Variants in CNNM4 observed in about 807,000 individuals in gnomAD.
CNNM4 encodes metal transporter CNNM4.
CNNM4 carries 32 observed loss-of-function variants against 53.7 expected under a neutral mutation model. The ratio of observed to expected loss-of-function variants is 0.60; its 90% CI spans 0.45 to 0.80. The LOEUF is 0.80. CNNM4 is among the 30% of genes least tolerant of loss of function. The pLI is 0.00. For missense variants in CNNM4, 784 were observed against 1,022.0 expected, an observed-to-expected ratio of 0.77 and a Z score of 3.17; for synonymous variants, 410 against 440.0, an observed-to-expected ratio of 0.93 and a Z score of 0.85.
intron 6 of CNNM4, 177 bp from the exon 7 acceptor site, chr2:96,809,143 T>G: frequency 4.7e-4 from 644 of 1,379,382 alleles, no homozygotes; most frequent in Non-Finnish European, 5.8e-4. Context: ...TGCCCAGCCC[T>G]GAGATGCTTT....
chr2:96,775,754 GTCTC>G (rs1271523663), intron 1 of CNNM4, among the ~76,000 whole-genome samples: 1 of 152,006 alleles, frequency 6.6e-6, no homozygotes, highest in African/African-American at 2.4e-5. Flanking sequence ...TTTTTGTTTT[GTCTC>G]TCTGTCATCC....
rs1436124748 is a variant in CNNM4, at chr2:96,805,989, G to A, written c.1949-2572G>A. ...ACACCTCCCAGACGGGGTGGTGGCCGGGCAGAGGGGCTCCTCACTTCCCAG... is the reference window on the plus strand; with the variant it reads ...ACACCTCCCAGACGGGGTGGTGGCCAGGCAGAGGGGCTCCTCACTTCCCAG... On this transcript the variant is annotated intron_variant, in intron 5 of 6. Transcript: ENST00000377075. Among the ~76,000 whole-genome samples, 6 of 151,100 alleles carry A rather than the reference G, an allele frequency of 4.0e-5. No individual in the cohort carries two copies. In the East Asian group the frequency reaches 9.9e-4, roughly 25 times the overall value.
chr2:96,809,114 T>A, intron 6 of CNNM4: 2 of 1,128,392 alleles, frequency 1.8e-6, no homozygotes, highest in Non-Finnish European at 2.5e-6. Flanking sequence ...AGTGCTGGGA[T>A]TACAGGTGTG....
chr2:96,798,957 A>G (rs2079131962), intron 3 of CNNM4, 100 bp from the exon 4 acceptor site: 1 of 1,225,380 alleles, frequency 8.2e-7, no homozygotes, highest in Admixed American at 1.7e-5. Context: ...TCGTCTGAGC[A>G]CAGCGTGGCT....
In CNNM4 at chr2:96,797,374, G is replaced by T; in HGVS notation, c.1547-139G>T. 1 of 1,429,252 alleles carries T rather than the reference G, an allele frequency of 7.0e-7. No individual in the cohort carries two copies. Among genetic ancestry groups the T allele is most frequent in the Non-Finnish European group, 9.7e-7 (1 of 1,026,352 alleles). 88.5% of individuals were successfully genotyped at this position (1,429,252 alleles called of 1,614,324 possible). A position where few individuals can be genotyped will look rare whatever the true frequency, so the allele number is the denominator to read the frequency against. ...CCTCGGCCTTTGTGCCTCGGCGTCA[G>T]CCCAGGACCCTGCCAGCCAGAGCCT... On this transcript the variant is annotated intron_variant, in intron 2 of 6. Coordinates refer to ENST00000377075, the MANE Select transcript of CNNM4 (RefSeq NM_020184.4). This position sits in a 1 kb window ranked among gnomAD's most constrained non-coding sequence, Gnocchi z 6.0.
Position 96,794,857 on chromosome 2 carries a change from A to G in CNNM4, c.1403-2155A>G, listed in dbSNP as rs370463789. 1.5e-4 allele frequency among the ~76,000 whole-genome samples: 23 copies of G among 152,290 alleles called. No individual in the cohort carries two copies. In the South Asian group the frequency reaches 3.1e-3, roughly 21 times the overall value. On this transcript the variant is annotated intron_variant, in intron 1 of 6. Transcript: ENST00000377075. ...CCATCCTCCACCATAACTGGGCATTACCAGGCTTTTTAGAGGGTGCCCATC... is the reference window on the plus strand; with the variant it reads ...CCATCCTCCACCATAACTGGGCATTGCCAGGCTTTTTAGAGGGTGCCCATC...
chr2:96,778,058 G>C (rs1165173170), intron 1 of CNNM4, among the ~76,000 whole-genome samples: 1 of 150,584 alleles, frequency 6.6e-6, no homozygotes, highest in African/African-American at 2.4e-5. Context: ...GTAGAGGTGG[G>C]GTTTCACCAT....
chr2:96,761,476 C>T lies in CNNM4; in HGVS notation c.477C>T (p.Pro159=), dbSNP rs1267021523. 1.9e-6 allele frequency: 3 copies of T among 1,614,146 alleles called. No individual in the cohort carries two copies. Among genetic ancestry groups the T allele is most frequent in the South Asian group, 1.1e-5 (1 of 91,084 alleles). The change falls in exon 1 of 7, where the codon CCC becomes CCT. Residue 159 remains proline (P), a synonymous_variant. Transcript: ENST00000377075. The surrounding 1 kb of genome is among the most constrained non-coding windows in gnomAD (Gnocchi z 6.0). ...ALCTRAQPDG[P]WLKWTDKDSL... ...GCACCCGGGCCCAGCCCGACGGGCC[C>T]TGGCTGAAGTGGACGGACAAGGACT...
Position 96,800,208 on chromosome 2 carries a change from G to A in CNNM4, c.1948+560G>A, listed in dbSNP as rs1006140215. On this transcript the variant is annotated intron_variant, in intron 5 of 6. Transcript: ENST00000377075. This position sits in a 1 kb window ranked among gnomAD's most constrained non-coding sequence, Gnocchi z 4.6. ...GGTGTTATGGAAGGTCCGGGGATGC[G>A]CCACTCTGGCCGCCCCAGTGCCCTC... is the stretch of plus-strand genomic sequence containing the variant. 5.3e-5 allele frequency among the ~76,000 whole-genome samples: 8 copies of A among 151,940 alleles called. No homozygotes were observed. The highest frequency in any genetic ancestry group is 1.9e-4 in the East Asian group (1 of 5,162).
chr2:96,794,735 ACC>A (rs1288304049), intron 1 of CNNM4, among the ~76,000 whole-genome samples: 2 of 151,806 alleles, frequency 1.3e-5, no homozygotes, highest in East Asian at 3.9e-4. Context: ...AAGGTTAGGA[ACC>A]CTTGATTTTG....
rs1303963087 is a variant in CNNM4 at position 96,805,437 on chromosome 2, TTTA to T, written c.1949-3118_1949-3116del. Among the ~76,000 whole-genome samples the T allele has an allele frequency of 1.8e-4, 26 of 142,050 alleles. No individual in the cohort carries two copies. The East Asian group carries it at 4.7e-3, about 26-fold the overall frequency. The allele number at this position is 142,050 out of a possible 152,430, so 93.2% of individuals were successfully genotyped here. On this transcript the variant is annotated intron_variant, in intron 5 of 6. Coordinates refer to ENST00000377075, the MANE Select transcript of CNNM4 (RefSeq NM_020184.4). ...TTTTCAGTTTTTTTTTTTTTTTTTT[TTTA>T]TTATTTTTTTTTAAATTTATTTTTT...
At position 96,800,179 on chromosome 2, in the gene CNNM4, G is replaced by A. The variant is rs1180527783; in HGVS notation, c.1948+531G>A. Among the ~76,000 whole-genome samples the A allele has an allele frequency of 3.9e-5, 6 of 152,112 alleles. No individual in the cohort carries two copies. The highest frequency in any genetic ancestry group is 1.3e-4 in the Admixed American group (2 of 15,276). ...ACAGAAGGGAGACTGGGCACCCTCC[G>A]AGAGGTGTTATGGAAGGTCCGGGGA... On this transcript the variant is annotated intron_variant, in intron 5 of 6. Transcript: ENST00000377075. This position sits in a 1 kb window ranked among gnomAD's most constrained non-coding sequence, Gnocchi z 4.6.
At chr2:96,793,332 A>C (rs997028856) in intron 1 of CNNM4, among the ~76,000 whole-genome samples, 4 of 152,196 alleles carry the variant, frequency 2.6e-5, no homozygotes, top group Non-Finnish European at 5.9e-5. Context: ...GACAAATTAG[A>C]AAATAGGAAA....
rs1371336110 is a variant in CNNM4, at chr2:96,797,318, G to T, written c.1546+163G>T. The stretch of plus-strand genomic sequence containing the variant: ...GGCCGGGGTGAGCAGGGAGCAGGTT[G>T]CTGAGAGCAGTGCCCGGAGGCTGCC... On this transcript the variant is annotated intron_variant, in intron 2 of 6. Coordinates refer to ENST00000377075, the MANE Select transcript of CNNM4 (RefSeq NM_020184.4). The surrounding 1 kb of genome is among the most constrained non-coding windows in gnomAD (Gnocchi z 6.0). Among the ~76,000 whole-genome samples the T allele has an allele frequency of 6.6e-6, 1 of 152,248 alleles. No individual in the cohort carries two copies.
intron 1 of CNNM4, among the ~76,000 whole-genome samples, chr2:96,796,461 G>A (rs192630230): frequency 2.6e-5 from 4 of 152,036 alleles, no homozygotes; most frequent in African/African-American, 4.8e-5. Flanking sequence ...ATTTTTATCC[G>A]ATTTAAACAA....
At chr2:96,777,298 C>T (rs775339233) in intron 1 of CNNM4, among the ~76,000 whole-genome samples, 5 of 151,800 alleles carry the variant, frequency 3.3e-5, no homozygotes, top group African/African-American at 9.7e-5. Context: ...GGATTACAGG[C>T]GTGAGCCACT....
At position 96,806,025 on chromosome 2, in the gene CNNM4, C is replaced by T. The variant is rs1239309441; in HGVS notation, c.1949-2536C>T. Among the ~76,000 whole-genome samples, 91 of 150,434 alleles carry T rather than the reference C, an allele frequency of 6.0e-4. 1 individual carries two copies. The South Asian group carries it at 0.016, about 27-fold the overall frequency. On this transcript the variant is annotated intron_variant, in intron 5 of 6. Coordinates refer to ENST00000377075, the MANE Select transcript of CNNM4 (RefSeq NM_020184.4). ...CTCCTCACTTCCCAGTAGGGGCGGC[C>T]GGGCAGAGGCGCCCCTCACCTCCCG... is the stretch of plus-strand genomic sequence containing the variant.
At chr2:96,782,780 G>C (rs942407329) in intron 1 of CNNM4, among the ~76,000 whole-genome samples, 1 of 152,186 alleles carries the variant, frequency 6.6e-6, no homozygotes, top group Non-Finnish European at 1.5e-5. Flanking sequence ...TTTCTTTTGT[G>C]TATGTTGGGG....
At position 96,763,450 on chromosome 2, in the gene CNNM4, T is replaced by C. The variant is rs556422699; in HGVS notation, c.1402+1049T>C. Among the ~76,000 whole-genome samples the C allele has an allele frequency of 3.9e-5, 6 of 152,284 alleles. No individual in the cohort carries two copies. In the South Asian group the frequency reaches 1.2e-3, roughly 32 times the overall value. Reference sequence around the variant, plus strand: ...AGTGAGGAGGCAGAAAGGGAAGCTCTTTTTTAAAGGAATGGGGGTGAGGGG... The same window carrying C: ...AGTGAGGAGGCAGAAAGGGAAGCTCCTTTTTAAAGGAATGGGGGTGAGGGG... On this transcript the variant is annotated intron_variant, in intron 1 of 6. Coordinates refer to ENST00000377075, the MANE Select transcript of CNNM4 (RefSeq NM_020184.4).
Sources: allele counts gnomAD v4.1 joint callset (sites outside exome capture counted in the v4.1 genomes callset), GRCh38; gene constraint gnomAD v4.1.1; non-coding constraint Gnocchi (gnomAD v3.1); transcripts MANE v1.5; gene names NCBI Gene and HGNC (gene_info 2026-07-23, HGNC 2026-07-21).